Variants in NRG3 observed in about 807,000 individuals in gnomAD.
NRG3 encodes the protein pro-neuregulin-3, membrane-bound isoform.
In NRG3, 31 loss-of-function variants were observed where a neutral mutation model predicts 66.9. That is an observed-to-expected ratio of 0.46 (90% confidence interval 0.35 to 0.63). NRG3 has a LOEUF of 0.63. NRG3 is among the 20% of genes least tolerant of loss of function. The pLI is 0.00. For missense variants in NRG3, 910 were observed against 878.9 expected, an observed-to-expected ratio of 1.04 and a Z score of -0.45; for synonymous variants, 393 against 359.4, an observed-to-expected ratio of 1.09 and a Z score of -1.06.
rs576381583 is a variant in NRG3, at chr10:82,511,256, A to G, written c.953+152388A>G. ...AAAAATAAACAAACAAACAAGCACA[A>G]CAACAACAAATCACAGAGAGGAAGG... On this transcript the variant is annotated intron_variant, in intron 2 of 8. Coordinates refer to ENST00000372141, the MANE Select transcript of NRG3 (RefSeq NM_001010848.4). Among the ~76,000 whole-genome samples, 118 of 152,284 alleles carry G rather than the reference A, an allele frequency of 7.7e-4. 1 individual carries two copies. The highest frequency in any genetic ancestry group is 2.8e-3 in the African/African-American group (115 of 41,568).
intron 1 of NRG3, among the ~76,000 whole-genome samples, chr10:82,065,017 C>A (rs78106510): frequency 0.052 from 7,909 of 152,208 alleles, 694 homozygotes; most frequent in African/African-American, 0.18. Context: ...TGTGCAGAAG[C>A]TGAGCAGTAT....
intron 2 of NRG3, among the ~76,000 whole-genome samples, chr10:82,714,398 T>A (rs2056853501): frequency 6.6e-6 from 1 of 152,206 alleles, no homozygotes; most frequent in Non-Finnish European, 1.5e-5. Context: ...GCAGCTCTGT[T>A]TCAGCAACAA....
At position 82,611,126 on chromosome 10, in the gene NRG3, A is replaced by T. The variant is rs2048287438; in HGVS notation, c.954-127451A>T. On this transcript the variant is annotated intron_variant, in intron 2 of 8. Transcript: ENST00000372141. ...CATCTCCATAATAAATGATGAACAT[A>T]CTTTAACTGTAACACTGGCAGATGT... is the stretch of plus-strand genomic sequence containing the variant. Among the ~76,000 whole-genome samples the T allele has an allele frequency of 2.6e-5, 4 of 152,180 alleles. No homozygotes were observed. The South Asian group carries it at 8.3e-4, about 32-fold the overall frequency.
chr10:82,232,529 A>G, intron 1 of NRG3: 1 of 508,406 alleles, frequency 2.0e-6, no homozygotes, highest in Non-Finnish European at 3.6e-6. Context: ...TCCAGATCTC[A>G]TTTTGCTGTC....
intron 3 of NRG3, among the ~76,000 whole-genome samples, chr10:82,747,248 A>G (rs116803898): frequency 0.024 from 3,632 of 151,940 alleles, 143 homozygotes; most frequent in African/African-American, 0.081. Flanking sequence ...TATTCCTTAT[A>G]ATATTATAAG....
intron 2 of NRG3, among the ~76,000 whole-genome samples, chr10:82,625,854 C>A (rs561580269): frequency 6.6e-6 from 1 of 152,190 alleles, no homozygotes; most frequent in African/African-American, 2.4e-5. Flanking sequence ...CAAGAAGGAA[C>A]AGGAAAAATG....
At chr10:82,419,908 A>G (rs1395403806) in intron 2 of NRG3, among the ~76,000 whole-genome samples, 2 of 152,162 alleles carry the variant, frequency 1.3e-5, no homozygotes, top group Non-Finnish European at 2.9e-5. Flanking sequence ...TAAGTGACAG[A>G]AATTCAGCTC....
chr10:81,920,857 G>T (rs952237123), intron 1 of NRG3, among the ~76,000 whole-genome samples: 7 of 151,976 alleles, frequency 4.6e-5, no homozygotes, highest in African/African-American at 1.7e-4. Flanking sequence ...GAAATTAATT[G>T]TATAGAACAG....
At chr10:81,884,787 A>C (rs1842482777) in intron 1 of NRG3, among the ~76,000 whole-genome samples, 1 of 152,158 alleles carries the variant, frequency 6.6e-6, no homozygotes, top group South Asian at 2.1e-4. Flanking sequence ...ATGACTGTAC[A>C]AAAAATTGTA....
chr10:81,942,295 T>G (rs1848470094), intron 1 of NRG3, among the ~76,000 whole-genome samples: 2 of 152,074 alleles, frequency 1.3e-5, no homozygotes, highest in African/African-American at 2.4e-5. Flanking sequence ...AGAGGTGGAA[T>G]GCAAGTCCCA....
intron 1 of NRG3, among the ~76,000 whole-genome samples, chr10:82,182,659 G>C (rs1026163012): frequency 5.3e-5 from 8 of 151,716 alleles, no homozygotes; most frequent in African/African-American, 1.9e-4. Context: ...AATTAAAATT[G>C]ATTTATGCAC....
intron 1 of NRG3, among the ~76,000 whole-genome samples, chr10:82,296,098 T>C (rs1036289798): frequency 6.6e-6 from 1 of 152,094 alleles, no homozygotes. Flanking sequence ...TGAGCATGAG[T>C]AACTCGGTAA....
intron 1 of NRG3, among the ~76,000 whole-genome samples, chr10:82,080,402 A>G (rs937867597): frequency 3.9e-5 from 6 of 152,112 alleles, no homozygotes; most frequent in African/African-American, 7.2e-5. Context: ...GTATGAATCT[A>G]TATTATTATA....
intron 3 of NRG3, among the ~76,000 whole-genome samples, chr10:82,765,464 GT>G (rs1416851313): frequency 6.6e-6 from 1 of 152,246 alleles, no homozygotes; most frequent in East Asian, 1.9e-4. Flanking sequence ...GGGATAAGTT[GT>G]TCAACCTCAC....
At chr10:82,831,694 A>T (rs925995982) in intron 3 of NRG3, among the ~76,000 whole-genome samples, 1 of 152,042 alleles carries the variant, frequency 6.6e-6, no homozygotes, top group African/African-American at 2.4e-5. Flanking sequence ...GGCACCTGTA[A>T]TCCCAGTTAC....
At chr10:82,501,800 A>G (rs570370814) in intron 2 of NRG3, among the ~76,000 whole-genome samples, 2 of 152,256 alleles carry the variant, frequency 1.3e-5, no homozygotes, top group South Asian at 4.1e-4. Flanking sequence ...GTTCTGCTTT[A>G]TCTTACTCCA....
At chr10:82,351,004 G>A (rs1022295508) in intron 1 of NRG3, among the ~76,000 whole-genome samples, 12 of 151,854 alleles carry the variant, frequency 7.9e-5, no homozygotes, top group Admixed American at 4.6e-4. Flanking sequence ...CCATTCTCCT[G>A]CCTCAGCCTC....
At chr10:82,217,142 G>A (rs986376452) in intron 1 of NRG3, among the ~76,000 whole-genome samples, 5 of 152,008 alleles carry the variant, frequency 3.3e-5, no homozygotes, top group African/African-American at 1.2e-4. Flanking sequence ...GTCTAGAATG[G>A]AACAAATATA....
intron 1 of NRG3, among the ~76,000 whole-genome samples, chr10:82,215,045 T>G (rs2075593595): frequency 6.6e-6 from 1 of 152,200 alleles, no homozygotes; most frequent in Non-Finnish European, 1.5e-5. Flanking sequence ...AACAGGAAGT[T>G]AATTAAGAAC....
Sources: allele counts gnomAD v4.1 joint callset (sites outside exome capture counted in the v4.1 genomes callset), GRCh38; gene constraint gnomAD v4.1.1; transcripts MANE v1.5; gene names NCBI Gene and HGNC (gene_info 2026-07-23, HGNC 2026-07-21).